The following VPS37C variants were observed in gnomAD, a reference collection of about 807,000 sequenced individuals.
VPS37C encodes VPS37C subunit of ESCRT-I.
VPS37C carries 9 observed loss-of-function variants against 16.1 expected under a neutral mutation model. That is an observed-to-expected ratio of 0.56 (90% CI 0.34 to 0.97). The LOEUF is 0.97. VPS37C is among the 50% of genes least tolerant of loss of function. The pLI, the probability that VPS37C is intolerant of heterozygous loss-of-function variation, is 0.02. For synonymous variants in VPS37C, 207 were observed against 206.4 expected (o/e 1.00, Z -0.02); for missense variants, 479 against 472.7 (o/e 1.01, Z -0.12).
Position 61,131,652 on chromosome 11 carries a change from G to A in VPS37C, c.*168C>T. On this transcript the variant is annotated 3_prime_UTR_variant, in exon 5 of 5. Coordinates refer to ENST00000301765, the MANE Select transcript of VPS37C (RefSeq NM_017966.5). ...TGGCCAGAAGGCCAGCAAGTGCCAT[G>A]ACCAGTCACACCGCCCAGTGCCTTG... 2.0e-6 allele frequency: 2 copies of A among 989,314 alleles called. No homozygotes were observed. Among genetic ancestry groups the A allele is most frequent in the Non-Finnish European group, 2.6e-6 (2 of 767,036 alleles). 61.3% of individuals were successfully genotyped at this position (989,314 alleles called of 1,614,324 possible).
At position 61,132,112 on chromosome 11, in the gene VPS37C, G is replaced by C. The variant is rs1024006573; in HGVS notation, c.776C>G (p.Ser259Cys). ...TGGCATGCTCCTCTGTGGGGACCAG[G>C]AGTAACCCGCAGCACCCCTGGGTCC... ...QLGPRGAAGY[S>C]WSPQRSMPPR... The change falls in exon 5 of 5, where the codon TCC becomes TGC. Residue 259 changes from serine (S) to cysteine (C), a missense_variant. Coordinates refer to ENST00000301765, the MANE Select transcript of VPS37C (RefSeq NM_017966.5). 9 of 1,432,762 alleles carry C rather than the reference G, an allele frequency of 6.3e-6. No homozygotes were observed. The African/African-American group carries it at 1.0e-4, about 16-fold the overall frequency. 88.8% of individuals were successfully genotyped at this position (1,432,762 alleles called of 1,614,324 possible).
chr11:61,160,149 T>C (rs1317403671), intron 1 of VPS37C, among the ~76,000 whole-genome samples: 3 of 152,188 alleles, frequency 2.0e-5, no homozygotes, highest in Admixed American at 6.5e-5. Context: ...TCAGAAAGTC[T>C]ACAATGAAAA....
chr11:61,160,043 CG>C (rs1853445429), intron 1 of VPS37C, among the ~76,000 whole-genome samples: 1 of 151,886 alleles, frequency 6.6e-6, no homozygotes. Context: ...TCGCAAAATT[CG>C]GTATGTTCAG....
At position 61,138,833 on chromosome 11, in the gene VPS37C, T is replaced by C; in HGVS notation, c.-4A>G. 1.2e-6 allele frequency: 2 copies of C among 1,613,852 alleles called. No homozygotes were observed. The highest frequency in any genetic ancestry group is 1.7e-6 in the Non-Finnish European group (2 of 1,179,960). ...TCTTATCCTTCAGCGTCTCCATCCT[T>C]CCCTGTGAACACAGTGACACCAAAG... is the stretch of plus-strand genomic sequence containing the variant. On this transcript the variant is annotated splice_region_variant and 5_prime_UTR_variant, in exon 2 of 5. Transcript: ENST00000301765.
At chr11:61,153,176 G>A (rs748158718) in intron 1 of VPS37C, among the ~76,000 whole-genome samples, 8 of 152,236 alleles carry the variant, frequency 5.3e-5, no homozygotes, top group Non-Finnish European at 1.0e-4. Flanking sequence ...CAGGTGGAGG[G>A]AGGGACCTAG....
rs1446678670 is a variant in VPS37C, at chr11:61,132,491, G to T, written c.397C>A (p.Leu133Met). 5 of 1,611,732 alleles carry T rather than the reference G, an allele frequency of 3.1e-6. No homozygotes were observed. The highest frequency in any genetic ancestry group is 4.2e-6 in the Non-Finnish European group (5 of 1,179,108). ...LEGEVPLETF[L>M]ENFSSMRMLS... ...ATCCTCATGGAGGAAAAATTCTCCA[G>T]GAACGTTTCCAGGGGCACCTCGCCC... Residue 133 changes from leucine to methionine, a missense_variant, in exon 5 of 5, where the codon CTG (leucine) becomes ATG (methionine). Transcript: ENST00000301765.
At chr11:61,144,103 G>A (rs1853151091) in intron 1 of VPS37C, 1 of 151,798 alleles carries the variant, frequency 6.6e-6, no homozygotes, top group African/African-American at 2.4e-5. Context: ...CCGAGTAGCT[G>A]GGACTACAGG....
chr11:61,158,062 C>T (rs1590796768), intron 1 of VPS37C, among the ~76,000 whole-genome samples: 2 of 152,178 alleles, frequency 1.3e-5, no homozygotes, highest in East Asian at 3.8e-4. Context: ...CCTGTAGAAC[C>T]GTGAGCCAAA....
At chr11:61,156,315 A>G (rs562522) in intron 1 of VPS37C, among the ~76,000 whole-genome samples, 113,088 of 152,180 alleles carry the variant, frequency 0.74, 43,551 homozygotes, top group East Asian at 1. Flanking sequence ...GGCCAGGTGC[A>G]GTTGTTCACG....
chr11:61,149,283 C>T (rs914945048), intron 1 of VPS37C, among the ~76,000 whole-genome samples: 2 of 152,160 alleles, frequency 1.3e-5, no homozygotes, highest in African/African-American at 4.8e-5. Context: ...GAGACTCCAT[C>T]TCAAAGTAAA....
intron 1 of VPS37C, among the ~76,000 whole-genome samples, chr11:61,149,341 C>A (rs1463236907): frequency 6.6e-6 from 1 of 152,148 alleles, no homozygotes; most frequent in Non-Finnish European, 1.5e-5. Flanking sequence ...GATAAAAACT[C>A]CTAGATTTCA....
Position 61,141,367 on chromosome 11 carries a change from C to CA in VPS37C, c.-6-2533dup, listed in dbSNP as rs1242030018. ...TGGGCAACCGAGCAAGACTCGGTCT[C>CA]AAAAAAAAAAAAAGAAAAGAAAGTA... On this transcript the variant is annotated intron_variant, in intron 1 of 4. Transcript: ENST00000301765. Among the ~76,000 whole-genome samples the CA allele has an allele frequency of 9.9e-3, 1,245 of 126,282 alleles. 15 individuals carry two copies. The highest frequency in any genetic ancestry group is 0.03 in the African/African-American group (1,024 of 33,878). The allele number at this position is 126,282 out of a possible 152,430, so 82.8% of individuals were successfully genotyped here. A position where few individuals can be genotyped will look rare whatever the true frequency, so the allele number is the denominator to read the frequency against.
At chr11:61,135,402 G>A (rs1229680709) in intron 2 of VPS37C, among the ~76,000 whole-genome samples, 1 of 152,242 alleles carries the variant, frequency 6.6e-6, no homozygotes, top group Non-Finnish European at 1.5e-5. Flanking sequence ...AGGGTTCAGG[G>A]ATGTAGGGCC....
At chr11:61,141,642 T>C (rs1280022457) in intron 1 of VPS37C, among the ~76,000 whole-genome samples, 2 of 152,098 alleles carry the variant, frequency 1.3e-5, no homozygotes, top group African/African-American at 2.4e-5. Flanking sequence ...TCTTCACCTG[T>C]AAAATAAGAC....
At position 61,138,751 on chromosome 11, in the gene VPS37C, G is replaced by C. The variant is rs374104998; in HGVS notation, c.79C>G (p.Leu27Val). 2 of 1,614,106 alleles carry C rather than the reference G, an allele frequency of 1.2e-6. No individual in the cohort carries two copies. Among genetic ancestry groups the C allele is most frequent in the South Asian group, 2.2e-5 (2 of 91,076 alleles). Residue 27 changes from leucine (L) to valine (V), a missense_variant, in exon 2 of 5, where the codon CTG becomes GTG. By Grantham distance (32) the Leu-to-Val change is conservative. Transcript: ENST00000301765. ...NDSEAIDQLA[L>V]ESPEVQDLQL... Reference sequence around the variant, plus strand: ...CCTCCCTCTACCTCAGGGGACTCCAGGGCCAGCTGGTCAATCGCCTCCGAG... The same window carrying C: ...CCTCCCTCTACCTCAGGGGACTCCACGGCCAGCTGGTCAATCGCCTCCGAG...
At chr11:61,136,416 C>T (rs571777527) in intron 2 of VPS37C, among the ~76,000 whole-genome samples, 2 of 152,234 alleles carry the variant, frequency 1.3e-5, no homozygotes, top group African/African-American at 4.8e-5. Flanking sequence ...TCAGGTCTTC[C>T]ACCCACCTCG....
At chr11:61,139,221 C>T (rs1425050699) in intron 1 of VPS37C, among the ~76,000 whole-genome samples, 1 of 152,180 alleles carries the variant, frequency 6.6e-6, no homozygotes, top group East Asian at 1.9e-4. Context: ...AGCACTGATG[C>T]CATCATGCCC....
chr11:61,138,536 T>C (rs906887087), intron 2 of VPS37C: 18 of 564,770 alleles, frequency 3.2e-5, no homozygotes, highest in African/African-American at 2.6e-4. Flanking sequence ...CAGGAGGCAG[T>C]GGACTCCCCA....
At chr11:61,150,422 C>T (rs544735391) in intron 1 of VPS37C, among the ~76,000 whole-genome samples, 3 of 152,028 alleles carry the variant, frequency 2.0e-5, no homozygotes, top group Non-Finnish European at 2.9e-5. Context: ...CTCCCCTCAC[C>T]GCCCCCACCT....
Sources: allele counts gnomAD v4.1 joint callset (sites outside exome capture counted in the v4.1 genomes callset), GRCh38; gene constraint gnomAD v4.1.1; transcripts MANE v1.5; gene names NCBI Gene and HGNC (gene_info 2026-07-23, HGNC 2026-07-21).